The following PARG variants were observed in gnomAD, a reference collection of about 807,000 sequenced individuals.
PARG encodes the protein poly(ADP-ribose) glycohydrolase.
PARG carries 35 observed loss-of-function variants against 113.0 expected under a neutral mutation model. The ratio of observed to expected loss-of-function variants is 0.31; its 90% CI spans 0.24 to 0.41. The LOEUF is 0.41. PARG is among the 10% of genes least tolerant of loss of function. The probability of loss-of-function intolerance (pLI) is 1.00; values close to 1 mark genes in which losing one functional copy is unlikely to be tolerated. For missense variants in PARG, 797 were observed against 1,169.4 expected (o/e 0.68, Z 4.64); for synonymous variants, 330 against 409.9 (o/e 0.81, Z 2.36).
chr10:49,896,125 T>C (rs1414282447), intron 7 of PARG, among the ~76,000 whole-genome samples: 37 of 152,232 alleles, frequency 2.4e-4, no homozygotes, highest in Non-Finnish European at 2.9e-4. Flanking sequence ...TCTAGTACAA[T>C]GTTAATAAGA....
rs1839079397 is a variant in PARG, at chr10:49,941,619, C to G, written c.107G>C (p.Arg36Thr). ...SDARSFPSRQ[R>T]RVLDPKDAHV... ...AGCGTCCTTGGGGTCGAGGACGCGC[C>G]TCTGCCTGCTGGGAAAGCTCCGGGC... The change falls in exon 1 of 18, where the codon AGG (arginine) becomes ACG (threonine). Residue 36 changes from arginine to threonine, a missense_variant. By Grantham distance (71) the Arg-to-Thr change is moderately conservative. This residue lies in a region of PARG where 284 missense variants were observed against 306.1 expected (regional missense o/e 0.93). Coordinates refer to ENST00000616448, the MANE Select transcript of PARG (RefSeq NM_003631.5). The G allele has an allele frequency of 5.0e-6, 8 of 1,590,542 alleles. No homozygotes were observed. In the South Asian group the frequency reaches 5.8e-5, roughly 11 times the overall value.
chr10:49,919,377 T>C (rs1434742091), intron 6 of PARG, among the ~76,000 whole-genome samples: 1 of 152,256 alleles, frequency 6.6e-6, no homozygotes, highest in Non-Finnish European at 1.5e-5. Flanking sequence ...GGCAGCCTGC[T>C]TCTATGTGAG....
intron 7 of PARG, among the ~76,000 whole-genome samples, chr10:49,893,340 G>C (rs1174961033): frequency 6.6e-6 from 1 of 152,082 alleles, no homozygotes; most frequent in African/African-American, 2.4e-5. Context: ...ATTTTTTAAT[G>C]TGCTTATTGG....
At chr10:49,911,536 G>A (rs1554846261) in intron 7 of PARG, among the ~76,000 whole-genome samples, 1 of 152,188 alleles carries the variant, frequency 6.6e-6, no homozygotes, top group Non-Finnish European at 1.5e-5. Context: ...ACCAATATTA[G>A]CCCTGAAGTT....
At chr10:49,934,745 A>T (rs1838664895) in intron 2 of PARG, among the ~76,000 whole-genome samples, 1 of 151,948 alleles carries the variant, frequency 6.6e-6, no homozygotes, top group African/African-American at 2.4e-5. Context: ...GCTACTTGGG[A>T]GGCTGAGGCA....
chr10:49,900,536 A>C (rs1848305065), intron 7 of PARG, among the ~76,000 whole-genome samples: 1 of 152,200 alleles, frequency 6.6e-6, no homozygotes, highest in African/African-American at 2.4e-5. Context: ...TAGGTTTATA[A>C]AACATGAAGG....
rs537286294 is a variant in PARG, at chr10:49,852,583, G to A, written c.2353+4723C>T. Among the ~76,000 whole-genome samples the A allele has an allele frequency of 1.9e-3, 275 of 141,580 alleles. 5 individuals carry two copies. The highest frequency in any genetic ancestry group is 3.7e-3 in the Non-Finnish European group (240 of 64,414). The allele number at this position is 141,580 out of a possible 152,430, so 92.9% of individuals were successfully genotyped here. On this transcript the variant is annotated intron_variant, in intron 13 of 17. Transcript: ENST00000616448. ...TTCTTCTTCTTTTTTTCTTTTTTTT[G>A]AGACGGAGTCTCACTCTGTCACTCA...
rs1211336342 is a variant in PARG, at chr10:49,919,127, G to C, written c.1663-3136C>G. On this transcript the variant is annotated intron_variant, in intron 6 of 17. Transcript: ENST00000616448. ...GGCTAATTTTTATATTTTTAGTAGA[G>C]ATGAGGTTTCACCATGTTGGCCAGG... is the stretch of plus-strand genomic sequence containing the variant. 5.3e-5 allele frequency among the ~76,000 whole-genome samples: 8 copies of C among 152,170 alleles called. No individual in the cohort carries two copies. In the East Asian group the frequency reaches 1.5e-3, roughly 29 times the overall value.
intron 6 of PARG, among the ~76,000 whole-genome samples, chr10:49,918,886 TAAGGAATTGCTAGAGA>T (rs1313286879): frequency 6.6e-5 from 10 of 152,112 alleles, no homozygotes; most frequent in Admixed American, 3.9e-4. Context: ...CATGGTGCAC[TAAGGAATTGCTAGAGA>T]AGTAAGCAGA....
chr10:49,848,992 T>C (rs1179487770), intron 13 of PARG, among the ~76,000 whole-genome samples: 1 of 151,906 alleles, frequency 6.6e-6, no homozygotes, highest in Non-Finnish European at 1.5e-5. Flanking sequence ...GGTCGGGAGT[T>C]CGCGAGCAGC....
At chr10:49,842,152 G>A in intron 14 of PARG, 94 bp from the exon 15 acceptor site, 1 of 805,802 alleles carries the variant, frequency 1.2e-6, no homozygotes, top group Non-Finnish European at 2.0e-6. Flanking sequence ...CTTTAGCTCT[G>A]TTAAAATATT....
At chr10:49,911,074 G>T (rs1345281153) in intron 7 of PARG, among the ~76,000 whole-genome samples, 1 of 152,178 alleles carries the variant, frequency 6.6e-6, no homozygotes, top group African/African-American at 2.4e-5. Context: ...CCTGAGGTCA[G>T]GAGTTCGAGA....
intron 9 of PARG, among the ~76,000 whole-genome samples, chr10:49,869,948 T>C (rs1192913603): frequency 6.6e-6 from 1 of 152,034 alleles, no homozygotes; most frequent in Non-Finnish European, 1.5e-5. Flanking sequence ...ACAAAAACGG[T>C]ATCAAAAAAA....
chr10:49,904,687 G>A (rs1239148545), intron 7 of PARG, among the ~76,000 whole-genome samples: 2 of 151,752 alleles, frequency 1.3e-5, no homozygotes, highest in Non-Finnish European at 2.9e-5. Flanking sequence ...GGCCCAACGT[G>A]GGCGGATCAC....
intron 15 of PARG, among the ~76,000 whole-genome samples, chr10:49,838,235 A>G (rs566970601): frequency 6.6e-6 from 1 of 152,068 alleles, no homozygotes; most frequent in African/African-American, 2.4e-5. Context: ...GTTCAAGATG[A>G]GCCTGACCAA....
At chr10:49,832,996 CA>C (rs1844746338) in intron 15 of PARG, 88 bp from the exon 16 acceptor site, 2 of 585,318 alleles carry the variant, frequency 3.4e-6, no homozygotes, top group South Asian at 6.5e-5. Context: ...TGTCCATTAT[CA>C]AGCTTATGTT....
chr10:49,912,888 A>G (rs1391029498), intron 7 of PARG, among the ~76,000 whole-genome samples: 1 of 152,202 alleles, frequency 6.6e-6, no homozygotes. Context: ...GGAAGTATAC[A>G]GCCCCGGAGG....
At chr10:49,839,748 C>T (rs1263783287) in intron 15 of PARG, among the ~76,000 whole-genome samples, 3 of 152,164 alleles carry the variant, frequency 2.0e-5, no homozygotes, top group African/African-American at 7.2e-5. Context: ...TGATCTAGTT[C>T]TCATAGAAAA....
chr10:49,834,360 T>C (rs529464914), intron 15 of PARG, among the ~76,000 whole-genome samples: 1 of 152,346 alleles, frequency 6.6e-6, no homozygotes, highest in South Asian at 2.1e-4. Context: ...CTCTGTTTTA[T>C]ACTATCAGGA....
Sources: allele counts gnomAD v4.1 joint callset (sites outside exome capture counted in the v4.1 genomes callset), GRCh38; gene constraint gnomAD v4.1.1; regional missense constraint gnomAD v4.1.1; transcripts MANE v1.5; gene names NCBI Gene and HGNC (gene_info 2026-07-23, HGNC 2026-07-21).